The following ACOT1 variants were observed in gnomAD, a reference collection of about 807,000 sequenced individuals.
ACOT1 encodes acyl-coenzyme A thioesterase 1.
A neutral mutation model predicts 15.7 loss-of-function variants in ACOT1; 8 were observed. That is an observed-to-expected ratio of 0.51 (90% CI 0.30 to 0.92). ACOT1 has a LOEUF of 0.92. Ranked by LOEUF, ACOT1 falls within the 40% of genes least tolerant of loss-of-function variation. ACOT1 has a pLI of 0.06. For missense variants in ACOT1, 151 were observed against 539.4 expected (o/e 0.28, Z 7.13); for synonymous variants, 67 against 241.2 (o/e 0.28, Z 6.69).
the ACOT1 span, chr14:73,498,091 A>G: frequency 9.6e-6 from 14 of 1,460,150 alleles, no homozygotes; most frequent in Middle Eastern, 2.5e-4. Flanking sequence ...GACATATTCA[A>G]TGAGCAAAGA....
the ACOT1 span, among the ~76,000 whole-genome samples, chr14:73,524,310 A>AAAAAAAAAAAAAAATATATATATAT: frequency 5.5e-5 from 3 of 54,778 alleles, no homozygotes; most frequent in African/African-American, 2.6e-4. Context: ...AAAAAAAAAA[A>AAAAAAAAAAAAAAATATATATATAT]ATATATATAT....
At chr14:73,507,154 T>C in the ACOT1 span, among the ~76,000 whole-genome samples, 4 of 152,298 alleles carry the variant, frequency 2.6e-5, no homozygotes, top group South Asian at 8.3e-4. Flanking sequence ...TGCCTCAAGC[T>C]TATGACTTTC....
At chr14:73,499,257 G>C in the ACOT1 span, 6 of 838,482 alleles carry the variant, frequency 7.2e-6, no homozygotes, top group Non-Finnish European at 1.2e-5. Flanking sequence ...AAGGTGGGCG[G>C]ATCACTTGAC....
chr14:73,509,278 A>C, the ACOT1 span: 1 of 1,601,942 alleles, frequency 6.2e-7, no homozygotes, highest in African/African-American at 1.3e-5. Flanking sequence ...TCTATCCCAT[A>C]TTTCCAGGTC....
chr14:73,491,790 T>A, the ACOT1 span: 8 of 1,586,276 alleles, frequency 5.0e-6, no homozygotes, highest in Non-Finnish European at 6.9e-6. Context: ...GAGGTGCAGT[T>A]CGGCCAGCAT....
At chr14:73,491,410 C>T in the ACOT1 span, 5 of 1,346,332 alleles carry the variant, frequency 3.7e-6, no homozygotes, top group South Asian at 5.9e-5. Flanking sequence ...CGCCCGCGCG[C>T]CTGGTGGAGG....
the ACOT1 span, chr14:73,509,405 C>T: frequency 6.2e-6 from 10 of 1,614,078 alleles, no homozygotes; most frequent in Non-Finnish European, 8.5e-6. Flanking sequence ...CGCACATGGG[C>T]ATTCTTGTCA....
the ACOT1 span, chr14:73,491,382 T>A: frequency 7.4e-7 from 1 of 1,354,096 alleles, no homozygotes; most frequent in Non-Finnish European, 9.4e-7. Flanking sequence ...TCGGCGCGCC[T>A]GGTGCCCGCT....
At chr14:73,517,722 A>AAG in the ACOT1 span, among the ~76,000 whole-genome samples, 1 of 148,914 alleles carries the variant, frequency 6.7e-6, no homozygotes, top group African/African-American at 2.5e-5. Context: ...GGGAAGGGGG[A>AAG]AGAGAGGAAA....
chr14:73,503,096 T>G, the ACOT1 span: 1 of 1,091,144 alleles, frequency 9.2e-7, no homozygotes, highest in South Asian at 1.3e-5. Context: ...TTTCTTCTTT[T>G]TTTACTCATC....
At chr14:73,528,626 A>G in the ACOT1 span, among the ~76,000 whole-genome samples, 1 of 152,176 alleles carries the variant, frequency 6.6e-6, no homozygotes, top group Admixed American at 6.5e-5. Context: ...TTGGGCAAAT[A>G]ATTTAAAATC....
the ACOT1 span, chr14:73,522,896 A>G: frequency 3.1e-6 from 5 of 1,614,180 alleles, no homozygotes; most frequent in South Asian, 5.5e-5. Context: ...GCTATAAGGA[A>G]TGCTGGGCAG....
the ACOT1 span, chr14:73,514,206 G>T: frequency 1.2e-6 from 2 of 1,614,050 alleles, no homozygotes; most frequent in Non-Finnish European, 1.7e-6. Context: ...AAGCAGTCCA[G>T]CGCAGGGCTC....
the ACOT1 span, among the ~76,000 whole-genome samples, chr14:73,514,918 A>G: frequency 2.6e-5 from 4 of 151,976 alleles, no homozygotes; most frequent in Non-Finnish European, 5.9e-5. Context: ...AATACAAAAA[A>G]TTGGCCGGGC....
the ACOT1 span, among the ~76,000 whole-genome samples, chr14:73,507,282 C>T: frequency 1.3e-5 from 2 of 152,116 alleles, no homozygotes; most frequent in Non-Finnish European, 2.9e-5. Flanking sequence ...AAATAGAGAC[C>T]ATTTGCAACC....
chr14:73,509,581 G>A, the ACOT1 span: 4 of 1,060,784 alleles, frequency 3.8e-6, no homozygotes, highest in Non-Finnish European at 5.7e-6. Flanking sequence ...AGCTGCAGTT[G>A]CTTAGTGCTA....
At chr14:73,514,025 A>C in the ACOT1 span, 326 of 1,613,736 alleles carry the variant, frequency 2.0e-4, 7 homozygotes, top group South Asian at 3.3e-3. Flanking sequence ...ACCTCCCTTC[A>C]CTCACTCAGA....
At chr14:73,506,804 GTTTTT>G in the ACOT1 span, among the ~76,000 whole-genome samples, 1,696 of 80,494 alleles carry the variant, frequency 0.021, 75 homozygotes, top group African/African-American at 0.042. Context: ...GACTTTAACT[GTTTTT>G]TTTTTTTTTT....
At chr14:73,525,300 T>C in the ACOT1 span, among the ~76,000 whole-genome samples, 2 of 152,186 alleles carry the variant, frequency 1.3e-5, no homozygotes, top group South Asian at 4.1e-4. Flanking sequence ...CTCAAAGCGT[T>C]GGGATTACAG....
Sources: gnomAD v4.1 joint callset for allele counts (sites outside exome capture counted in the v4.1 genomes callset) on GRCh38, gnomAD v4.1.1 for gene constraint, MANE v1.5 for transcripts, NCBI Gene and HGNC (gene_info 2026-07-23, HGNC 2026-07-21) for gene names.